The following EIF3L variants were observed in gnomAD, a reference collection of about 807,000 sequenced individuals.
EIF3L encodes the protein eIEF associated protein HSPC021.
Under a neutral mutation model 74.6 loss-of-function variants are expected in EIF3L, and 32 were observed. That is an observed-to-expected ratio of 0.43 (90% confidence interval 0.32 to 0.58). The LOEUF is 0.58. Among genes scored for constraint, EIF3L ranks in the 20% least tolerant of loss-of-function variants. EIF3L has a pLI of 0.06. For synonymous variants in EIF3L, 256 were observed against 254.4 expected, an observed-to-expected ratio of 1.01 and a Z score of -0.06; for missense variants, 474 against 707.8, an observed-to-expected ratio of 0.67 and a Z score of 3.75.
At chr22:37,859,642 A>G (rs1925746606) in intron 5 of EIF3L, among the ~76,000 whole-genome samples, 2 of 151,246 alleles carry the variant, frequency 1.3e-5, no homozygotes, top group Admixed American at 6.6e-5. Context: ...TTGGCCTCCC[A>G]AAGTGCTGGG....
At chr22:37,850,100 G>A in intron 2 of EIF3L, 37 bp downstream of exon 2, 2 of 1,610,612 alleles carry the variant, frequency 1.2e-6, no homozygotes, top group South Asian at 2.2e-5. Context: ...GTACTCGTAG[G>A]GATCAGTTCC....
chr22:37,875,375 C>A (rs1217343122), intron 9 of EIF3L, among the ~76,000 whole-genome samples: 2 of 150,996 alleles, frequency 1.3e-5, no homozygotes, highest in Admixed American at 1.3e-4. Flanking sequence ...AAGACTCTGT[C>A]CCAGAAAAAA....
intron 7 of EIF3L, among the ~76,000 whole-genome samples, chr22:37,867,396 C>T (rs1284312599): frequency 6.6e-6 from 1 of 152,020 alleles, no homozygotes; most frequent in African/African-American, 2.4e-5. Context: ...CAGTGGCTCA[C>T]GCCTGTAATC....
At chr22:37,859,784 A>G (rs1206628376) in intron 5 of EIF3L, among the ~76,000 whole-genome samples, 1 of 152,024 alleles carries the variant, frequency 6.6e-6, no homozygotes, top group East Asian at 2.0e-4. Flanking sequence ...AGGGCAGGTC[A>G]CCTGAGGTCA....
intron 11 of EIF3L, chr22:37,886,226 A>C (rs1927312743): frequency 6.7e-6 from 1 of 150,016 alleles, no homozygotes; most frequent in Non-Finnish European, 1.5e-5. Flanking sequence ...AATAAAAGAC[A>C]AAAAAAAAGT....
chr22:37,872,584 C>T lies in EIF3L; in HGVS notation c.752-1786C>T, dbSNP rs1335393175. ...GCTATAGAGCTTGTAGTGGCAGATACAAGTTTTACAAAATTCCATTTTTGC... is the reference window on the plus strand; with the variant it reads ...GCTATAGAGCTTGTAGTGGCAGATATAAGTTTTACAAAATTCCATTTTTGC... On this transcript the variant is annotated intron_variant, in intron 8 of 12. Transcript: ENST00000652021. Among the ~76,000 whole-genome samples the T allele has an allele frequency of 4.6e-5, 7 of 152,048 alleles. No individual in the cohort carries two copies. The East Asian group carries it at 5.8e-4, about 13-fold the overall frequency.
intron 12 of EIF3L, 149 bp from the exon 13 acceptor site, chr22:37,888,277 T>C (rs1927424605): frequency 1.4e-6 from 1 of 727,186 alleles, no homozygotes; most frequent in Non-Finnish European, 2.4e-6. Context: ...ATGTCACGGC[T>C]TTGCACACAC....
chr22:37,851,596 T>TGGGGGGGGGG, intron 3 of EIF3L, 106 bp downstream of exon 3: 1 of 152,430 alleles, frequency 6.6e-6, no homozygotes, highest in Non-Finnish European at 1.4e-5. Context: ...TCGGGGGGGT[T>TGGGGGGGGGG]GGGGGGTGGG....
chr22:37,877,757 CCT>C lies in EIF3L; in HGVS notation c.1163_1164del (p.Leu388ProfsTer17). ...YPMRIDESIH[L>X]QLREKYGDKM... ...CCATGCGTATTGATGAGAGCATTCA[CCT>C]CCAGCTGCGGGAGAAATATGGGGAC... On this transcript the variant is annotated frameshift_variant, in exon 11 of 13. Transcript: ENST00000652021. LOFTEE classifies it high-confidence loss of function. 1 of 1,613,834 alleles carries C rather than the reference CCT, an allele frequency of 6.2e-7. No homozygotes were observed. The highest frequency in any genetic ancestry group is 8.5e-7 in the Non-Finnish European group (1 of 1,179,844).
chr22:37,866,104 G>A (rs141030213), intron 7 of EIF3L, among the ~76,000 whole-genome samples: 11 of 152,272 alleles, frequency 7.2e-5, no homozygotes, highest in African/African-American at 2.6e-4. Flanking sequence ...TTTTGCAGAG[G>A]TATCAATTAC....
chr22:37,853,749 C>CT (rs946707769), intron 3 of EIF3L, among the ~76,000 whole-genome samples: 1 of 152,038 alleles, frequency 6.6e-6, no homozygotes, highest in Admixed American at 6.6e-5. Flanking sequence ...GATATTTGCC[C>CT]TTTTTTTTCT....
At chr22:37,874,554 C>A in intron 9 of EIF3L, 30 bp downstream of exon 9, 1 of 1,602,196 alleles carries the variant, frequency 6.2e-7, no homozygotes, top group Non-Finnish European at 8.5e-7. Flanking sequence ...GCCCCTCTTG[C>A]CAGAGCCAGA....
At chr22:37,849,937 T>C in intron 1 of EIF3L, 78 bp from the exon 2 acceptor site, 1 of 1,512,566 alleles carries the variant, frequency 6.6e-7, no homozygotes. Context: ...AGCTCTCTGC[T>C]TGGCATCTAG....
At chr22:37,852,400 T>TGCA (rs1441182477) in intron 3 of EIF3L, among the ~76,000 whole-genome samples, 9 of 152,332 alleles carry the variant, frequency 5.9e-5, no homozygotes, top group Admixed American at 5.9e-4. Flanking sequence ...AACTGTGCTA[T>TGCA]GCAGCCCTTC....
intron 11 of EIF3L, 42 bp from the exon 12 acceptor site, chr22:37,886,723 C>T (rs770077726): frequency 1.9e-6 from 3 of 1,581,434 alleles, no homozygotes; most frequent in Admixed American, 1.7e-5. Flanking sequence ...GGCCCTGCTC[C>T]TCCACCTGGC....
chr22:37,865,807 G>A (rs1461988062), intron 7 of EIF3L, among the ~76,000 whole-genome samples: 2 of 152,202 alleles, frequency 1.3e-5, no homozygotes, highest in Non-Finnish European at 2.9e-5. Context: ...TAGATGAATA[G>A]CAGTCTTTTT....
intron 3 of EIF3L, among the ~76,000 whole-genome samples, chr22:37,852,860 A>G (rs1228361792): frequency 6.7e-6 from 1 of 150,354 alleles, no homozygotes; most frequent in African/African-American, 2.5e-5. Flanking sequence ...TAGTGAGGAG[A>G]GAGAAAGGGA....
chr22:37,878,393 A>C, intron 11 of EIF3L: 1 of 409,712 alleles, frequency 2.4e-6, no homozygotes. Flanking sequence ...CAGCCTGGGC[A>C]ACGTAGTGAG....
At chr22:37,858,994 A>G (rs1925695087) in intron 5 of EIF3L, among the ~76,000 whole-genome samples, 1 of 151,782 alleles carries the variant, frequency 6.6e-6, no homozygotes, top group South Asian at 2.1e-4. Context: ...GCAATCACCC[A>G]TGCACTGGTT....
Sources: allele counts gnomAD v4.1 joint callset (sites outside exome capture counted in the v4.1 genomes callset), GRCh38; gene constraint gnomAD v4.1.1; transcripts MANE v1.5; gene names NCBI Gene and HGNC (gene_info 2026-07-23, HGNC 2026-07-21).